EIF5: variants seen among roughly 807,000 people sequenced by gnomAD.
The protein encoded by EIF5 is eukaryotic translation initiation factor 5.
A neutral mutation model predicts 48.3 loss-of-function variants in EIF5; 10 were observed. That is an observed-to-expected ratio of 0.21 (90% CI 0.13 to 0.35). The LOEUF is 0.35. Among genes scored for constraint, EIF5 ranks in the 10% least tolerant of loss-of-function variants. The probability of loss-of-function intolerance (pLI) is 1.00; values close to 1 mark genes in which losing one functional copy is unlikely to be tolerated. For missense variants in EIF5, 397 were observed against 533.2 expected (o/e 0.74, Z 2.51); for synonymous variants, 237 against 173.1 (o/e 1.37, Z -2.90).
In EIF5 at chr14:103,336,655, A is replaced by G. The variant is rs2089290746; in HGVS notation, c.155-22A>G. ...AGATCTAGTTAACTGTAACGATCCA[A>G]ACTCCTTTTTCATTCAAATAGATCC... On this transcript the variant is annotated intron_variant, in intron 4 of 11. Transcript: ENST00000216554. 4 of 1,589,760 alleles carry G rather than the reference A, an allele frequency of 2.5e-6. No homozygotes were observed. The African/African-American group carries it at 5.4e-5, about 22-fold the overall frequency.
Position 103,336,015 on chromosome 14 carries a change from TAA to T in EIF5, c.73-18_73-17del. On this transcript the variant is annotated intron_variant, in intron 3 of 11. Transcript: ENST00000216554. ...CATTTGTCAGGGGAAACTGCACAAC[TAA>T]AATTCTTATTTCCTTTAGGTTGAGG... is the stretch of plus-strand genomic sequence containing the variant. 6.2e-7 allele frequency: 1 copy of T among 1,614,090 alleles called. No homozygotes were observed. Among genetic ancestry groups the T allele is most frequent in the Non-Finnish European group, 8.5e-7 (1 of 1,179,958 alleles).
chr14:103,337,750 G>A, intron 6 of EIF5: 1 of 435,228 alleles, frequency 2.3e-6, no homozygotes, highest in Non-Finnish European at 4.5e-6. Context: ...TCTGAGGGTA[G>A]ATGAAGTAAT....
At chr14:103,336,995 T>TA in intron 5 of EIF5, 121 bp from the exon 6 acceptor site, 2 of 1,354,546 alleles carry the variant, frequency 1.5e-6, no homozygotes, top group South Asian at 1.5e-5. Flanking sequence ...TTCTTTTTTT[T>TA]AAAGTAGGTC....
chr14:103,337,782 C>G, intron 6 of EIF5: 1 of 453,342 alleles, frequency 2.2e-6, no homozygotes, highest in South Asian at 1.7e-5. Flanking sequence ...TGCTGGAAAC[C>G]CAGCAAAGTT....
At chr14:103,338,111 A>G (rs2089310673) in intron 6 of EIF5, 2 of 699,586 alleles carry the variant, frequency 2.9e-6, no homozygotes, top group Non-Finnish European at 4.9e-6. Flanking sequence ...CAATACCCCT[A>G]ATATTTTGTG....
At chr14:103,338,697 T>C in intron 7 of EIF5, 38 bp from the exon 8 acceptor site, 1 of 1,594,022 alleles carries the variant, frequency 6.3e-7, no homozygotes, top group Non-Finnish European at 8.5e-7. Flanking sequence ...TTGTTGTTTT[T>C]AAGGCCTTTG....
At position 103,344,292 on chromosome 14, in the gene EIF5, T is replaced by G. The variant is rs1265851185; in HGVS notation, c.*3240T>G. 1 of 152,166 alleles carries G rather than the reference T, an allele frequency of 6.6e-6. No individual in the cohort carries two copies. Among genetic ancestry groups the G allele is most frequent in the Non-Finnish European group, 1.5e-5 (1 of 68,018 alleles). 9.4% of individuals were successfully genotyped at this position (152,166 alleles called of 1,614,324 possible). On this transcript the variant is annotated 3_prime_UTR_variant, in exon 12 of 12. Coordinates refer to ENST00000216554, the MANE Select transcript of EIF5 (RefSeq NM_001969.5). The stretch of plus-strand genomic sequence containing the variant: ...TTTTTTTCTGGGAATCAAATTTCTG[T>G]GGTTTTTATGGCCAGAAATTTTAAG...
Position 103,336,019 on chromosome 14 carries a change from A to G in EIF5, c.73-17A>G, listed in dbSNP as rs1238935412. ...TGTCAGGGGAAACTGCACAACTAAA[A>G]TTCTTATTTCCTTTAGGTTGAGGGC... On this transcript the variant is annotated splice_polypyrimidine_tract_variant and intron_variant, in intron 3 of 11. Coordinates refer to ENST00000216554, the MANE Select transcript of EIF5 (RefSeq NM_001969.5). The G allele has an allele frequency of 6.2e-7, 1 of 1,614,148 alleles. No individual in the cohort carries two copies. The highest frequency in any genetic ancestry group is 1.7e-5 in the Admixed American group (1 of 60,012).
chr14:103,341,034 C>T lies in EIF5; in HGVS notation c.1278C>T (p.Ile426=), dbSNP rs373411040. 3.1e-6 allele frequency: 5 copies of T among 1,613,918 alleles called. No homozygotes were observed. Among genetic ancestry groups the T allele is most frequent in the African/African-American group, 2.7e-5 (2 of 74,918 alleles). The change falls in exon 12 of 12, where the codon ATC becomes ATT. Residue 426 remains isoleucine (I), a synonymous_variant. Transcript: ENST00000216554. ...AGTCAGACAACAAGGATGACGACAT[C>T]GATATTGATGCCATTTAAAGGGATG... The part of the protein sequence containing the change: ...TVKSDNKDDD[I]DIDAI
rs1203116004 is a variant in EIF5, at chr14:103,344,206, C to T, written c.*3154C>T. On this transcript the variant is annotated 3_prime_UTR_variant, in exon 12 of 12. Coordinates refer to ENST00000216554, the MANE Select transcript of EIF5 (RefSeq NM_001969.5). ...TGTGCACCAGAGTGACCCTGTGAGC[C>T]TTTGTTAATAGGTTGGGAGCTCAGG... The T allele has an allele frequency of 1.3e-5, 2 of 152,178 alleles. No homozygotes were observed. Among genetic ancestry groups the T allele is most frequent in the African/African-American group, 2.4e-5 (1 of 41,426 alleles). 9.4% of individuals were successfully genotyped at this position (152,178 alleles called of 1,614,324 possible).
chr14:103,334,796 GC>G (rs2089263514), intron 2 of EIF5, 199 bp downstream of exon 2: 1 of 149,606 alleles, frequency 6.7e-6, no homozygotes, highest in African/African-American at 2.4e-5. Context: ...CGTCGCGCGT[GC>G]CCGCCGCTCG....
chr14:103,343,292 T>TAG lies in EIF5; in HGVS notation c.*2241_*2242insGA. On this transcript the variant is annotated 3_prime_UTR_variant, in exon 12 of 12. Coordinates refer to ENST00000216554, the MANE Select transcript of EIF5 (RefSeq NM_001969.5). ...ATTTGTGTTGGATGTATCCTGCAGT[T>TAG]ACACTTGCCAGCCCCACTCACAAAA... The TAG allele has an allele frequency of 6.6e-6, 1 of 152,368 alleles. No homozygotes were observed. The highest frequency in any genetic ancestry group is 2.1e-4 in the South Asian group (1 of 4,834). 9.4% of individuals were successfully genotyped at this position (152,368 alleles called of 1,614,324 possible).
chr14:103,337,125 C>G lies in EIF5; in HGVS notation c.337C>G (p.Pro113Ala), dbSNP rs1305512472. ...GTTATTTTTTTGGCAGCATGTCAAT[C>G]CAAAGAAGCAAACAATAGGTAATTC... ...ENPETDLHVN[P>A]KKQTIGNSCK... is the part of the protein sequence containing the mutation. Residue 113 changes from proline to alanine, a missense_variant, in exon 6 of 12, where the codon CCA (proline) becomes GCA (alanine). Transcript: ENST00000216554. 1 of 1,610,294 alleles carries G rather than the reference C, an allele frequency of 6.2e-7. No individual in the cohort carries two copies.
chr14:103,337,542 C>A, intron 6 of EIF5: 3 of 370,814 alleles, frequency 8.1e-6, no homozygotes, highest in Non-Finnish European at 1.5e-5. Context: ...GCAGAGGTTG[C>A]ACTGAGCTGA....
At chr14:103,335,587 G>C in intron 2 of EIF5, 66 bp from the exon 3 acceptor site, 1 of 504,614 alleles carries the variant, frequency 2.0e-6, no homozygotes, top group South Asian at 2.6e-5. Context: ...AAAAGGAGGC[G>C]TTTCCATCCA....
At chr14:103,334,638 C>G (rs1161781133) in intron 2 of EIF5, 41 bp downstream of exon 2, 3 of 150,538 alleles carry the variant, frequency 2.0e-5, no homozygotes, top group South Asian at 4.1e-4. Flanking sequence ...GGCGGCCGCA[C>G]AAGATGGCGG....
At chr14:103,340,356 AG>A in intron 10 of EIF5, 70 bp from the exon 11 acceptor site, 2 of 1,536,282 alleles carry the variant, frequency 1.3e-6, no homozygotes, top group East Asian at 4.6e-5. Context: ...CAGCTCAGTA[AG>A]GGGGATTGTA....
rs1277389683 is a variant in EIF5, at chr14:103,344,380, G to A, written c.*3328G>A. The A allele has an allele frequency of 6.6e-6, 1 of 152,208 alleles. No homozygotes were observed. Among genetic ancestry groups the A allele is most frequent in the Non-Finnish European group, 1.5e-5 (1 of 68,040 alleles). 9.4% of individuals were successfully genotyped at this position (152,208 alleles called of 1,614,324 possible). On this transcript the variant is annotated 3_prime_UTR_variant, in exon 12 of 12. Coordinates refer to ENST00000216554, the MANE Select transcript of EIF5 (RefSeq NM_001969.5). ...GAGTTCTTTTCTTGGGACCTAGACTGGGAGGTGCAATGTCAGGACCTCCAG... is the reference window on the plus strand; with the variant it reads ...GAGTTCTTTTCTTGGGACCTAGACTAGGAGGTGCAATGTCAGGACCTCCAG...
chr14:103,334,251 C>T lies in EIF5; in HGVS notation c.-427C>T, dbSNP rs1178450875. ...CGGCGTTGTTCAGTCAGAGCGAGAA[C>T]ATTCCAGAGGTGAGTCCGGTGAAGG... On this transcript the variant is annotated 5_prime_UTR_variant, in exon 1 of 12. Transcript: ENST00000216554. 1 of 152,760 alleles carries T rather than the reference C, an allele frequency of 6.5e-6. No individual in the cohort carries two copies. The highest frequency in any genetic ancestry group is 1.5e-5 in the Non-Finnish European group (1 of 68,574). The allele number at this position is 152,760 out of a possible 1,614,324, so 9.5% of individuals were successfully genotyped here. A position where few individuals can be genotyped will look rare whatever the true frequency, so the allele number is the denominator to read the frequency against.
Sources: gnomAD v4.1 joint callset for allele counts on GRCh38, gnomAD v4.1.1 for gene constraint, MANE v1.5 for transcripts, NCBI Gene and HGNC (gene_info 2026-07-23, HGNC 2026-07-21) for gene names.